Variants in MYO16 observed in about 807,000 individuals in gnomAD.
MYO16 encodes the protein unconventional myosin-XVI.
In MYO16, 94 loss-of-function variants were observed where a neutral mutation model predicts 205.3. That is an observed-to-expected ratio of 0.46 (90% confidence interval 0.39 to 0.54). MYO16 has a LOEUF of 0.54. Ranked by LOEUF, MYO16 falls within the 20% of genes least tolerant of loss-of-function variation. The probability of loss-of-function intolerance (pLI) is 0.00; values close to 1 mark genes in which losing one functional copy is unlikely to be tolerated. For missense variants in MYO16, 2,315 were observed against 2,387.5 expected (o/e 0.97, Z 0.63); for synonymous variants, 988 against 954.0 (o/e 1.04, Z -0.66).
chr13:109,030,178 A>AAC, intron 23 of MYO16, among the ~76,000 whole-genome samples: 1 of 151,768 alleles, frequency 6.6e-6, no homozygotes, highest in East Asian at 1.9e-4. Flanking sequence ...CAAAAAAAAA[A>AAC]AACTAGCGGA....
chr13:109,035,961 A>G (rs543215259), intron 23 of MYO16, among the ~76,000 whole-genome samples: 1 of 152,220 alleles, frequency 6.6e-6, no homozygotes, highest in Non-Finnish European at 1.5e-5. Context: ...TTTATTAAAC[A>G]CCAGAGGACA....
chr13:108,757,210 A>G (rs974723363), intron 4 of MYO16, among the ~76,000 whole-genome samples: 10 of 152,210 alleles, frequency 6.6e-5, no homozygotes, highest in Admixed American at 2.0e-4. Context: ...TTAAGAGGAT[A>G]TTTATTGCAG....
At chr13:108,777,733 C>G (rs1886168650) in intron 4 of MYO16, among the ~76,000 whole-genome samples, 1 of 152,126 alleles carries the variant, frequency 6.6e-6, no homozygotes, top group Non-Finnish European at 1.5e-5. Flanking sequence ...TCTAAGTGGT[C>G]CAATGTCAGT....
intron 1 of MYO16, chr13:108,659,255 GAT>G (rs5806749): frequency 0.029 from 4,698 of 163,392 alleles, 215 homozygotes; most frequent in African/African-American, 0.099. Flanking sequence ...TGATATATAT[GAT>G]ATATATATAT....
intron 34 of MYO16, among the ~76,000 whole-genome samples, chr13:109,180,916 G>T (rs1879425207): frequency 6.6e-6 from 1 of 152,188 alleles, no homozygotes; most frequent in African/African-American, 2.4e-5. Context: ...TTGTATTGGA[G>T]GCCTGACTCC....
At chr13:108,927,681 C>A (rs1054278583) in intron 16 of MYO16, among the ~76,000 whole-genome samples, 2 of 152,212 alleles carry the variant, frequency 1.3e-5, no homozygotes, top group African/African-American at 2.4e-5. Context: ...GTGAAAATGC[C>A]AAGCGGACGG....
At chr13:108,956,378 A>C (rs1162132998) in intron 16 of MYO16, among the ~76,000 whole-genome samples, 1 of 151,140 alleles carries the variant, frequency 6.6e-6, no homozygotes, top group East Asian at 2.0e-4. Flanking sequence ...TGGGCCACAC[A>C]CTCCCCTTAC....
chr13:108,936,931 T>A (rs1882515795), intron 16 of MYO16, among the ~76,000 whole-genome samples: 1 of 152,220 alleles, frequency 6.6e-6, no homozygotes, highest in Non-Finnish European at 1.5e-5. Context: ...GTGTTCTTGC[T>A]TTATAGTGTC....
chr13:109,144,295 G>A lies in MYO16; in HGVS notation c.5164+2919G>A, dbSNP rs769029918. The stretch of plus-strand genomic sequence containing the variant: ...CTCCCAAAGTGCTGGGATTACAGAC[G>A]TGAACCACCATGCCCGGCCAAATGT... On this transcript the variant is annotated intron_variant, in intron 32 of 34. Coordinates refer to ENST00000457511, the MANE Select transcript of MYO16 (RefSeq NM_001198950.3). 1.1e-4 allele frequency among the ~76,000 whole-genome samples: 17 copies of A among 152,244 alleles called. No individual in the cohort carries two copies. In the East Asian group the frequency reaches 1.9e-3, roughly 17 times the overall value.
Position 109,083,383 on chromosome 13 carries a change from C to CAAAA in MYO16, c.3336-17369_3336-17366dup, listed in dbSNP as rs71125367. 4.2e-4 allele frequency among the ~76,000 whole-genome samples: 22 copies of CAAAA among 52,324 alleles called. 5 individuals carry two copies. Among genetic ancestry groups the CAAAA allele is most frequent in the South Asian group, 9.4e-4 (1 of 1,060 alleles). 34.3% of individuals were successfully genotyped at this position (52,324 alleles called of 152,430 possible). On this transcript the variant is annotated intron_variant, in intron 27 of 34. Transcript: ENST00000457511. Reference sequence around the variant, plus strand: ...GGGCAAAAAGAGGGAAACTCCGTCTCAAAAAAAAAAAAAAAAAAAAAAAAA... The same window carrying CAAAA: ...GGGCAAAAAGAGGGAAACTCCGTCTCAAAAAAAAAAAAAAAAAAAAAAAAAAAAA...
At chr13:108,746,212 T>TAAATAAA (rs532055635) in intron 4 of MYO16, among the ~76,000 whole-genome samples, 2 of 151,448 alleles carry the variant, frequency 1.3e-5, no homozygotes, top group Admixed American at 1.3e-4. Flanking sequence ...AAATAAAAGA[T>TAAATAAA]AAATAAAAAA....
chr13:108,994,978 C>T (rs901036410), intron 21 of MYO16, among the ~76,000 whole-genome samples: 7 of 152,250 alleles, frequency 4.6e-5, no homozygotes, highest in African/African-American at 1.7e-4. Context: ...TCAGTCTCCT[C>T]CAGTAGCTCC....
intron 2 of MYO16, among the ~76,000 whole-genome samples, chr13:108,680,444 C>T (rs912334929): frequency 6.6e-6 from 1 of 152,048 alleles, no homozygotes; most frequent in African/African-American, 2.4e-5. Context: ...TATTATTTGC[C>T]CACATATCCA....
At chr13:108,681,594 C>T (rs1410503521) in intron 2 of MYO16, among the ~76,000 whole-genome samples, 5 of 151,088 alleles carry the variant, frequency 3.3e-5, no homozygotes, top group East Asian at 2.0e-4. Context: ...TCTCATCTTC[C>T]TCATCTTTCT....
the MYO16 span, among the ~76,000 whole-genome samples, chr13:108,524,351 G>A: frequency 6.6e-5 from 10 of 151,608 alleles, no homozygotes; most frequent in Admixed American, 6.6e-4. Context: ...TAAAGTGTGT[G>A]GCACTTCCCC....
At position 109,008,949 on chromosome 13, in the gene MYO16, T is replaced by G. The variant is rs1365176108; in HGVS notation, c.2495T>G (p.Leu832Arg). ...EKMHHYINEV[L>R]FLHEQVECVQ... ...ATGCACCACTATATCAATGAAGTGC[T>G]TTTTCTCCACGAGCAAGTGGAATGT... The change falls in exon 22 of 35, where the codon CTT becomes CGT. Residue 832 changes from leucine (L) to arginine (R), a missense_variant. Transcript: ENST00000457511. 1 of 1,613,088 alleles carries G rather than the reference T, an allele frequency of 6.2e-7. No individual in the cohort carries two copies. Among genetic ancestry groups the G allele is most frequent in the Admixed American group, 1.7e-5 (1 of 59,882 alleles).
intron 32 of MYO16, among the ~76,000 whole-genome samples, chr13:109,156,761 C>T (rs1041396640): frequency 8.5e-5 from 13 of 152,164 alleles, no homozygotes; most frequent in Non-Finnish European, 1.3e-4. Context: ...CCTGCAGCCC[C>T]TCCTGCAAGC....
chr13:108,658,862 G>T (rs1453348773), intron 1 of MYO16, among the ~76,000 whole-genome samples: 1 of 152,154 alleles, frequency 6.6e-6, no homozygotes, highest in South Asian at 2.1e-4. Context: ...AATGTTTCCT[G>T]CAAATTGTCT....
intron 28 of MYO16, among the ~76,000 whole-genome samples, chr13:109,119,842 T>C (rs972158302): frequency 1.3e-5 from 2 of 152,266 alleles, no homozygotes; most frequent in African/African-American, 4.8e-5. Context: ...TTTTAAACTT[T>C]AGTTCTGAAG....
Sources: gnomAD v4.1 joint callset for allele counts (sites outside exome capture counted in the v4.1 genomes callset) on GRCh38, gnomAD v4.1.1 for gene constraint, MANE v1.5 for transcripts, NCBI Gene and HGNC (gene_info 2026-07-23, HGNC 2026-07-21) for gene names.